ZSWIM5: variants seen among roughly 807,000 people sequenced by gnomAD.
ZSWIM5 encodes zinc finger SWIM domain-containing protein 5.
ZSWIM5 carries 55 observed loss-of-function variants against 119.6 expected under a neutral mutation model. The ratio of observed to expected loss-of-function variants is 0.46; its 90% CI spans 0.37 to 0.58. The LOEUF (loss-of-function observed/expected upper bound fraction) is 0.58, where lower values mean the gene tolerates loss of function less well. ZSWIM5 is among the 20% of genes least tolerant of loss of function. ZSWIM5 has a pLI of 0.00. For missense variants in ZSWIM5, 1,193 were observed against 1,512.8 expected, an observed-to-expected ratio of 0.79 and a Z score of 3.51; for synonymous variants, 537 against 606.9, an observed-to-expected ratio of 0.88 and a Z score of 1.69.
chr1:45,186,750 T>C (rs1158411930), intron 1 of ZSWIM5, among the ~76,000 whole-genome samples: 2 of 152,114 alleles, frequency 1.3e-5, no homozygotes, highest in African/African-American at 4.8e-5. Context: ...CCACCATGCC[T>C]GGCTAAATTT....
chr1:45,134,630 GC>G (rs927559260), intron 1 of ZSWIM5, among the ~76,000 whole-genome samples: 1 of 152,208 alleles, frequency 6.6e-6, no homozygotes, highest in Admixed American at 6.5e-5. Flanking sequence ...GGAAAACAGT[GC>G]ATATGTAAAC....
chr1:45,096,434 TTGTGTG>T (rs112308838), intron 1 of ZSWIM5, among the ~76,000 whole-genome samples: 26 of 144,342 alleles, frequency 1.8e-4, no homozygotes, highest in African/African-American at 3.6e-4. Flanking sequence ...AGATAACTGT[TTGTGTG>T]TGTGTGTGTG....
At chr1:45,024,625 C>G (rs1644909849) in intron 11 of ZSWIM5, among the ~76,000 whole-genome samples, 1 of 150,672 alleles carries the variant, frequency 6.6e-6, no homozygotes, top group Non-Finnish European at 1.5e-5. Context: ...AGATTTTCTC[C>G]TAGATTATCC....
At chr1:45,175,731 C>T (rs548145470) in intron 1 of ZSWIM5, among the ~76,000 whole-genome samples, 3 of 151,700 alleles carry the variant, frequency 2.0e-5, no homozygotes, top group African/African-American at 7.3e-5. Flanking sequence ...GGATTATAGG[C>T]ATGAACCATG....
At chr1:45,156,518 T>C (rs1478308528) in intron 1 of ZSWIM5, among the ~76,000 whole-genome samples, 2 of 151,876 alleles carry the variant, frequency 1.3e-5, no homozygotes, top group Non-Finnish European at 2.9e-5. Flanking sequence ...TTTCTGGCTG[T>C]ACAATTAGTT....
intron 1 of ZSWIM5, among the ~76,000 whole-genome samples, chr1:45,102,901 C>T (rs550506365): frequency 4.1e-4 from 63 of 152,078 alleles, no homozygotes; most frequent in Non-Finnish European, 7.6e-4. Flanking sequence ...CTTGCTTTGT[C>T]GCCTAGGCTG....
At chr1:45,170,271 A>G (rs1457738158) in intron 1 of ZSWIM5, among the ~76,000 whole-genome samples, 1 of 152,134 alleles carries the variant, frequency 6.6e-6, no homozygotes, top group East Asian at 1.9e-4. Context: ...TGAATCCTCA[A>G]CAGTAATGAG....
intron 2 of ZSWIM5, among the ~76,000 whole-genome samples, chr1:45,071,859 A>G (rs1645224218): frequency 6.6e-6 from 1 of 152,168 alleles, no homozygotes. Context: ...ATGGTTCCAA[A>G]TCTTGCTTTG....
At chr1:45,094,779 A>G (rs1239679595) in intron 1 of ZSWIM5, among the ~76,000 whole-genome samples, 3 of 150,816 alleles carry the variant, frequency 2.0e-5, no homozygotes, top group African/African-American at 4.9e-5. Context: ...TGGGGGGTTG[A>G]GGTGGGAAGA....
chr1:45,094,455 C>G (rs949781258), intron 1 of ZSWIM5, among the ~76,000 whole-genome samples: 3 of 152,052 alleles, frequency 2.0e-5, no homozygotes, highest in African/African-American at 7.2e-5. Flanking sequence ...TTTAAAAATC[C>G]TTACTGGCTG....
intron 1 of ZSWIM5, among the ~76,000 whole-genome samples, chr1:45,113,780 T>A (rs1645531485): frequency 6.6e-6 from 1 of 152,162 alleles, no homozygotes; most frequent in South Asian, 2.1e-4. Context: ...CTGCTGGACA[T>A]CCCCTCAAGA....
intron 1 of ZSWIM5, among the ~76,000 whole-genome samples, chr1:45,130,144 T>C (rs1432765114): frequency 1.3e-5 from 2 of 152,152 alleles, no homozygotes; most frequent in Non-Finnish European, 2.9e-5. Flanking sequence ...GTGATCCACA[T>C]GCCTTGGCCT....
intron 2 of ZSWIM5, among the ~76,000 whole-genome samples, chr1:45,068,356 C>T (rs748738899): frequency 6.6e-6 from 1 of 151,498 alleles, no homozygotes; most frequent in Non-Finnish European, 1.5e-5. Flanking sequence ...TCTGCCTGCC[C>T]CAGCCTCCCA....
chr1:45,081,504 G>T (rs1450018217), intron 2 of ZSWIM5, among the ~76,000 whole-genome samples: 1 of 152,252 alleles, frequency 6.6e-6, no homozygotes, highest in Non-Finnish European at 1.5e-5. Context: ...GTGGAGACGG[G>T]GTTTCGCTGT....
Position 45,181,600 on chromosome 1 carries a change from G to A in ZSWIM5, c.595+24156C>T, listed in dbSNP as rs904698320. 7.2e-5 allele frequency among the ~76,000 whole-genome samples: 11 copies of A among 152,026 alleles called. No homozygotes were observed. In the East Asian group the frequency reaches 7.7e-4, roughly 11 times the overall value. The stretch of plus-strand genomic sequence containing the variant: ...AGAGAACGCCACAAAGATACTCCTC[G>A]AGAAGAGCAACTCCAAGACACATAA... On this transcript the variant is annotated intron_variant, in intron 1 of 13. Coordinates refer to ENST00000359600, the MANE Select transcript of ZSWIM5 (RefSeq NM_020883.2).
chr1:45,095,181 G>A (rs868653488), intron 1 of ZSWIM5, among the ~76,000 whole-genome samples: 2 of 151,572 alleles, frequency 1.3e-5, no homozygotes, highest in Non-Finnish European at 1.5e-5. Context: ...AAGCTGGAGT[G>A]CAGTGGTGTG....
intron 1 of ZSWIM5, among the ~76,000 whole-genome samples, chr1:45,185,512 GC>G (rs1197404789): frequency 2.0e-5 from 3 of 151,942 alleles, no homozygotes; most frequent in Admixed American, 6.6e-5. Flanking sequence ...CTGACAAAGG[GC>G]TAATATCCAG....
At chr1:45,186,205 A>T (rs1646057365) in intron 1 of ZSWIM5, among the ~76,000 whole-genome samples, 1 of 145,988 alleles carries the variant, frequency 6.8e-6, no homozygotes, top group African/African-American at 2.5e-5. Flanking sequence ...GAACAATGAG[A>T]ACACATGGAC....
chr1:45,171,503 T>C (rs1645946035), intron 1 of ZSWIM5, among the ~76,000 whole-genome samples: 1 of 152,124 alleles, frequency 6.6e-6, no homozygotes, highest in East Asian at 1.9e-4. Flanking sequence ...ACTAACAGTT[T>C]TACAGCCTAT....
Sources: gnomAD v4.1 joint callset for allele counts (sites outside exome capture counted in the v4.1 genomes callset) on GRCh38, gnomAD v4.1.1 for gene constraint, MANE v1.5 for transcripts, NCBI Gene and HGNC (gene_info 2026-07-23, HGNC 2026-07-21) for gene names.